CDON: variants seen among roughly 807,000 people sequenced by gnomAD.
CDON encodes the protein cell adhesion molecule-related/down-regulated by oncogenes.
A neutral mutation model predicts 120.9 loss-of-function variants in CDON; 73 were observed. The ratio of observed to expected loss-of-function variants is 0.60; its 90% CI spans 0.50 to 0.73. The LOEUF (loss-of-function observed/expected upper bound fraction) is 0.73, where lower values mean the gene tolerates loss of function less well. Among genes scored for constraint, CDON ranks in the 30% least tolerant of loss-of-function variants. The pLI, the probability that CDON is intolerant of heterozygous loss-of-function variation, is 0.00. For missense variants in CDON, 1,470 were observed against 1,587.3 expected, an observed-to-expected ratio of 0.93 and a Z score of 1.26; for synonymous variants, 566 against 573.5, an observed-to-expected ratio of 0.99 and a Z score of 0.19.
At chr11:125,973,768 AAT>A (rs1946069993) in intron 18 of CDON, among the ~76,000 whole-genome samples, 1 of 152,164 alleles carries the variant, frequency 6.6e-6, no homozygotes, top group Non-Finnish European at 1.5e-5. Context: ...CCTTAGACCT[AAT>A]TTTATAAATC....
chr11:126,020,812 A>C (rs1200657139), intron 3 of CDON, among the ~76,000 whole-genome samples: 1 of 152,180 alleles, frequency 6.6e-6, no homozygotes, highest in Non-Finnish European at 1.5e-5. Context: ...CTCAGTAATC[A>C]AGGCAAATAA....
chr11:125,971,976 T>C (rs1946012572), intron 18 of CDON, among the ~76,000 whole-genome samples: 2 of 152,260 alleles, frequency 1.3e-5, no homozygotes, highest in African/African-American at 4.8e-5. Context: ...AAGCTTTCGA[T>C]GTTTTTTGAT....
At chr11:126,029,654 C>T (rs1947895275) in intron 1 of CDON, among the ~76,000 whole-genome samples, 1 of 152,030 alleles carries the variant, frequency 6.6e-6, no homozygotes, top group Non-Finnish European at 1.5e-5. Context: ...ATGTGAAAAA[C>T]AGAAGTGACG....
chr11:126,040,669 T>C (rs372924445), intron 1 of CDON, among the ~76,000 whole-genome samples: 34 of 148,858 alleles, frequency 2.3e-4, no homozygotes, highest in African/African-American at 8.2e-4. Flanking sequence ...CAAAAAATTA[T>C]CCGGGCCTGG....
At chr11:126,058,404 T>C (rs773976051) in intron 1 of CDON, among the ~76,000 whole-genome samples, 12 of 152,180 alleles carry the variant, frequency 7.9e-5, no homozygotes, top group Non-Finnish European at 1.3e-4. Context: ...CTCCAATTCA[T>C]TCAAGGGTCC....
intron 18 of CDON, among the ~76,000 whole-genome samples, chr11:125,963,932 ATG>A (rs1435938216): frequency 6.6e-6 from 1 of 152,240 alleles, no homozygotes; most frequent in Non-Finnish European, 1.5e-5. Flanking sequence ...ACTGGTCTAG[ATG>A]TGTCATGACT....
intron 8 of CDON, among the ~76,000 whole-genome samples, chr11:126,007,242 G>T (rs1424489821): frequency 6.6e-6 from 1 of 152,204 alleles, no homozygotes; most frequent in African/African-American, 2.4e-5. Context: ...GGGCTGCACT[G>T]CAGTAGAGAA....
chr11:126,006,114 A>G, intron 8 of CDON, 57 bp from the exon 9 acceptor site: 1 of 1,554,434 alleles, frequency 6.4e-7, no homozygotes, highest in Non-Finnish European at 8.8e-7. Context: ...ATTGTCTTCT[A>G]CCCAGTTTGT....
chr11:126,005,703 T>C, intron 9 of CDON, 56 bp downstream of exon 9: 1 of 1,507,224 alleles, frequency 6.6e-7, no homozygotes, highest in Admixed American at 1.7e-5. Flanking sequence ...CAGTATATGT[T>C]ATACAAAGAA....
intron 7 of CDON, chr11:126,014,974 A>C: frequency 2.1e-6 from 1 of 466,422 alleles, no homozygotes; most frequent in South Asian, 2.4e-5. Context: ...GAATAAGAGT[A>C]AGAGAGAGAT....
At chr11:126,021,098 C>A in intron 3 of CDON, 150 bp downstream of exon 3, 1 of 765,276 alleles carries the variant, frequency 1.3e-6, no homozygotes. Flanking sequence ...AGTGCACTTC[C>A]ACAATATACT....
intron 7 of CDON, among the ~76,000 whole-genome samples, chr11:126,011,196 GT>G (rs1225013245): frequency 6.6e-6 from 1 of 152,164 alleles, no homozygotes; most frequent in Non-Finnish European, 1.5e-5. Context: ...ATACCTGTAT[GT>G]TTTTTCCCAT....
Position 126,010,552 on chromosome 11 carries a change from G to C in CDON, c.1341C>G (p.Ser447Arg), listed in dbSNP as rs1040178465. 2.5e-6 allele frequency: 4 copies of C among 1,614,114 alleles called. No homozygotes were observed. In the African/African-American group the frequency reaches 5.3e-5, roughly 22 times the overall value. Residue 447 changes from serine to arginine, a missense_variant, in exon 8 of 20, where the codon AGC becomes AGG. Coordinates refer to ENST00000531738, the MANE Select transcript of CDON (RefSeq NM_001378964.1). ...RWYDSHGLIT[S>R]HPSQVLRSKS... ...TCGATCTCAGGACTTGAGATGGATG[G>C]CTGGTTATCAATCCATGGCTGTCAT...
chr11:126,024,846 C>T (rs945806203), intron 1 of CDON, among the ~76,000 whole-genome samples: 2 of 152,070 alleles, frequency 1.3e-5, no homozygotes, highest in Non-Finnish European at 2.9e-5. Context: ...GGGAAGTAGC[C>T]AAGGACACTC....
intron 1 of CDON, among the ~76,000 whole-genome samples, chr11:126,031,217 C>T (rs1309064035): frequency 6.6e-6 from 1 of 152,216 alleles, no homozygotes; most frequent in Admixed American, 6.5e-5. Context: ...AAAAGAGACA[C>T]AGTGTCTGCC....
intron 17 of CDON, 148 bp from the exon 18 acceptor site, chr11:125,978,531 C>G: frequency 1.5e-6 from 1 of 680,304 alleles, no homozygotes; most frequent in Non-Finnish European, 2.7e-6. Context: ...CCCAGAGCAA[C>G]GTCATTGTGA....
rs369231909 is a variant in CDON at position 125,961,025 on chromosome 11, A to G, written c.3712T>C (p.Cys1238Arg). ...ALILPPVPEG[C>R]AEKTMWSPPG... ...GGAGACCACATTGTCTTCTCAGCAC[A>G]GCCCTCGGGGACAGGTGGCAAAATA... The change falls in exon 20 of 20, where the codon TGT becomes CGT. Residue 1238 changes from cysteine to arginine, a missense_variant. Transcript: ENST00000531738. The G allele has an allele frequency of 1.2e-6, 2 of 1,613,926 alleles. No individual in the cohort carries two copies. Among genetic ancestry groups the G allele is most frequent in the African/African-American group, 1.3e-5 (1 of 74,926 alleles).
At chr11:125,968,391 T>C (rs1565490561) in intron 18 of CDON, among the ~76,000 whole-genome samples, 1 of 152,212 alleles carries the variant, frequency 6.6e-6, no homozygotes, top group African/African-American at 2.4e-5. Flanking sequence ...AAAGTACTTC[T>C]GTCAGAGTGA....
chr11:125,977,254 T>G (rs920666202), intron 18 of CDON, among the ~76,000 whole-genome samples: 7 of 152,190 alleles, frequency 4.6e-5, no homozygotes, highest in Non-Finnish European at 7.4e-5. Context: ...ATAGACACCC[T>G]GAAATGGGTT....
Sources: allele counts gnomAD v4.1 joint callset (sites outside exome capture counted in the v4.1 genomes callset), GRCh38; gene constraint gnomAD v4.1.1; transcripts MANE v1.5; gene names NCBI Gene and HGNC (gene_info 2026-07-23, HGNC 2026-07-21).